Variants in NOBOX observed in about 807,000 individuals in gnomAD.
NOBOX encodes the protein NOBOX oogenesis homeobox.
NOBOX carries 46 observed loss-of-function variants against 60.2 expected under a neutral mutation model. That is an observed-to-expected ratio of 0.76 (90% CI 0.60 to 0.98). The LOEUF (loss-of-function observed/expected upper bound fraction) is 0.98. NOBOX is among the 50% of genes least tolerant of loss of function. NOBOX has a pLI of 0.00. For synonymous variants in NOBOX, 360 were observed against 346.3 expected (o/e 1.04, Z -0.44); for missense variants, 880 against 865.5 (o/e 1.02, Z -0.21).
At chr7:144,402,268 G>C (rs1329724952) in intron 2 of NOBOX, among the ~76,000 whole-genome samples, 1 of 148,260 alleles carries the variant, frequency 6.7e-6, no homozygotes, top group Non-Finnish European at 1.5e-5. Flanking sequence ...CCTCTCTTTC[G>C]AGTAAGGAAA....
chr7:144,406,806 A>T (rs1168941197), intron 1 of NOBOX, among the ~76,000 whole-genome samples: 2 of 152,140 alleles, frequency 1.3e-5, no homozygotes, highest in Non-Finnish European at 2.9e-5. Flanking sequence ...GAGGTTTGCT[A>T]TGGAAGTTAA....
At chr7:144,404,698 G>C in intron 1 of NOBOX, 2 of 1,612,044 alleles carry the variant, frequency 1.2e-6, no homozygotes, top group Non-Finnish European at 1.7e-6. Flanking sequence ...GGACGGTGTG[G>C]TTACTGTGTT....
chr7:144,402,792 C>A (rs1020817795), intron 2 of NOBOX, among the ~76,000 whole-genome samples: 1 of 137,138 alleles, frequency 7.3e-6, no homozygotes, highest in South Asian at 2.3e-4. Flanking sequence ...AGTCTCGCTC[C>A]GTCGCCCAGG....
intron 5 of NOBOX, 142 bp downstream of exon 3, chr7:144,400,064 A>G (rs1403121712): frequency 6.4e-7 from 1 of 1,572,178 alleles, no homozygotes; most frequent in South Asian, 1.1e-5. Flanking sequence ...CACTCTGGAA[A>G]CAGTCAGGGA....
chr7:144,407,093 T>C (rs2053990806), intron 1 of NOBOX, among the ~76,000 whole-genome samples: 1 of 152,042 alleles, frequency 6.6e-6, no homozygotes, highest in Non-Finnish European at 1.5e-5. Context: ...TCCAAAATCT[T>C]TTTTTCCCCT....
chr7:144,403,538 G>A (rs1208059315), intron 2 of NOBOX, 119 bp downstream of exon 1: 19 of 127,650 alleles, frequency 1.5e-4, no homozygotes, highest in Non-Finnish European at 2.3e-4. Context: ...GACTCCACCC[G>A]GCCCTCGGCC....
chr7:144,403,283 A>G (rs2128862387), intron 2 of NOBOX, among the ~76,000 whole-genome samples: 1 of 152,236 alleles, frequency 6.6e-6, no homozygotes, highest in Middle Eastern at 3.4e-3. Flanking sequence ...GTACTGTAGC[A>G]AAAAGCCTGG....
chr7:144,401,557 C>G lies in NOBOX; in HGVS notation c.333G>C (p.Gly111=). Residue 111 remains glycine (G), a synonymous_variant, in exon 4 of 10, where the codon GGG becomes GGC. Coordinates refer to ENST00000467773, the MANE Select transcript of NOBOX (RefSeq NM_001080413.3). This position sits in a 1 kb window ranked among gnomAD's most constrained non-coding sequence, Gnocchi z 4.2. ...CTGAGCCCCGGAGCAGTTCCTCCTC[C>G]CCGGGTCCTGCAGCCAGGGGCTTCT... The G allele has an allele frequency of 6.6e-7, 1 of 1,511,958 alleles. No homozygotes were observed. The highest frequency in any genetic ancestry group is 8.8e-7 in the Non-Finnish European group (1 of 1,136,212). The allele number at this position is 1,511,958 out of a possible 1,614,324, so 93.7% of individuals were successfully genotyped here. A position where few individuals can be genotyped will look rare whatever the true frequency, so the allele number is the denominator to read the frequency against.
rs375104160 is a variant in NOBOX, at chr7:144,401,276, T to C, written c.614A>G (p.Lys205Arg). ...ACCCATGGCATTAGGCTTTTTCTGCTTCCCGGGGGCTGGAGAATAGGACCT... is the reference window on the plus strand; with the variant it reads ...ACCCATGGCATTAGGCTTTTTCTGCCTCCCGGGGGCTGGAGAATAGGACCT... Residue 205 changes from lysine (K) to arginine (R), a missense_variant, in exon 4 of 10, where the codon AAG becomes AGG. Coordinates refer to ENST00000467773, the MANE Select transcript of NOBOX (RefSeq NM_001080413.3). This position sits in a 1 kb window ranked among gnomAD's most constrained non-coding sequence, Gnocchi z 4.2. The C allele has an allele frequency of 1.2e-5, 19 of 1,613,430 alleles. No individual in the cohort carries two copies. The African/African-American group carries it at 2.4e-4, about 20-fold the overall frequency.
In NOBOX at chr7:144,398,363, G is replaced by A. The variant is rs978183089; in HGVS notation, c.1693C>T (p.Pro565Ser). 64 of 1,537,130 alleles carry A rather than the reference G, an allele frequency of 4.2e-5. No individual in the cohort carries two copies. Among genetic ancestry groups the A allele is most frequent in the Non-Finnish European group, 5.1e-5 (59 of 1,146,910 alleles). Reference sequence around the variant, plus strand: ...TAGCCCTGCGATGTGCCCCCGCTGGGGCCACAGGGAAACATAAAGAGAGAG... The same window carrying A: ...TAGCCCTGCGATGTGCCCCCGCTGGAGCCACAGGGAAACATAAAGAGAGAG... The change falls in exon 9 of 10, where the codon CCC becomes TCC. Residue 565 changes from proline (P) to serine (S), a missense_variant. Coordinates refer to ENST00000467773, the MANE Select transcript of NOBOX (RefSeq NM_001080413.3).
chr7:144,405,418 G>T (rs539735781), intron 1 of NOBOX, among the ~76,000 whole-genome samples: 28 of 152,312 alleles, frequency 1.8e-4, no homozygotes, highest in African/African-American at 6.7e-4. Flanking sequence ...ATCATCAAAT[G>T]ATCATGTCAG....
chr7:144,397,543 T>A lies in NOBOX; in HGVS notation c.1775-2A>T. ...AGGGGTCACTCCAGGAGGCTGTACC[T>A]GTGGGGTCGGAGGGTGTAGGAATTA... On this transcript the variant is annotated splice_acceptor_variant, in intron 9 of 9. Coordinates refer to ENST00000467773, the MANE Select transcript of NOBOX (RefSeq NM_001080413.3). LOFTEE classifies it high-confidence loss of function. 1 of 1,517,506 alleles carries A rather than the reference T, an allele frequency of 6.6e-7. No homozygotes were observed. The highest frequency in any genetic ancestry group is 8.8e-7 in the Non-Finnish European group (1 of 1,134,828). 94.0% of individuals were successfully genotyped at this position (1,517,506 alleles called of 1,614,324 possible).
rs2053939594 is a variant in NOBOX at position 144,401,531 on chromosome 7, GC to G, written c.358del (p.Ala120ProfsTer54). ...ACTCTGAGTGTCCTGAGCATGAGGGGCTGAGCCCCGGAGCAGTTCCTCCTCC... is the reference window on the plus strand; with the variant it reads ...ACTCTGAGTGTCCTGAGCATGAGGGGTGAGCCCCGGAGCAGTTCCTCCTCC... On this transcript the variant is annotated frameshift_variant, in exon 4 of 10. Coordinates refer to ENST00000467773, the MANE Select transcript of NOBOX (RefSeq NM_001080413.3). LOFTEE classifies it high-confidence loss of function. The surrounding 1 kb of genome is among the most constrained non-coding windows in gnomAD (Gnocchi z 4.2). The G allele has an allele frequency of 6.6e-7, 1 of 1,518,244 alleles. No individual in the cohort carries two copies. The highest frequency in any genetic ancestry group is 8.8e-7 in the Non-Finnish European group (1 of 1,138,226). 94.0% of individuals were successfully genotyped at this position (1,518,244 alleles called of 1,614,324 possible).
At chr7:144,403,605 C>A in intron 2 of NOBOX, 52 bp downstream of exon 1, 1 of 684,784 alleles carries the variant, frequency 1.5e-6, no homozygotes, top group Non-Finnish European at 2.7e-6. Flanking sequence ...CTCCCCCCCT[C>A]CCCGAACCCC....
Position 144,398,340 on chromosome 7 carries a change from G to T in NOBOX, c.1716C>A (p.Gly572=), listed in dbSNP as rs2053908205. Residue 572 remains glycine, a synonymous_variant, in exon 9 of 10, where the codon GGC becomes GGA. Transcript: ENST00000467773. ...GTCCTGAGGAGGCACCTGGGCAATA[G>T]CCCTGCGATGTGCCCCCGCTGGGGC... 1 of 1,537,152 alleles carries T rather than the reference G, an allele frequency of 6.5e-7. No homozygotes were observed. The highest frequency in any genetic ancestry group is 1.4e-5 in the African/African-American group (1 of 73,036).
chr7:144,398,341 C>A lies in NOBOX; in HGVS notation c.1715G>T (p.Gly572Val). Residue 572 changes from glycine to valine, a missense_variant, in exon 9 of 10, where the codon GGC (glycine) becomes GTC (valine). By Grantham distance (109) the Gly-to-Val change is moderately radical. Coordinates refer to ENST00000467773, the MANE Select transcript of NOBOX (RefSeq NM_001080413.3). ...TCCTGAGGAGGCACCTGGGCAATAG[C>A]CCTGCGATGTGCCCCCGCTGGGGCC... 3.9e-6 allele frequency: 6 copies of A among 1,537,252 alleles called. No individual in the cohort carries two copies. Among genetic ancestry groups the A allele is most frequent in the Non-Finnish European group, 5.2e-6 (6 of 1,146,912 alleles).
In NOBOX at chr7:144,399,001, G is replaced by A; in HGVS notation, c.1418C>T (p.Ala473Val). The stretch of plus-strand genomic sequence containing the variant: ...GTCCTTGTGGCTGCTGTCACTGCCA[G>A]CAACATCCATCAGCAGTGGCATCAG... Residue 473 changes from alanine to valine, a missense_variant, in exon 8 of 10, where the codon GCT becomes GTT. Coordinates refer to ENST00000467773, the MANE Select transcript of NOBOX (RefSeq NM_001080413.3). 1.3e-6 allele frequency: 2 copies of A among 1,585,846 alleles called. No homozygotes were observed. Among genetic ancestry groups the A allele is most frequent in the Non-Finnish European group, 1.7e-6 (2 of 1,166,462 alleles).
At position 144,400,269 on chromosome 7, in the gene NOBOX, A is replaced by G; in HGVS notation, c.888T>C (p.Tyr296=). ...TCTCTCGGCGTTTATCACTGTCAGG[A>G]TAGTGGTCTTCTTGGAATATCTTCT... The change falls in exon 5 of 10, where the codon TAT becomes TAC. Residue 296 remains tyrosine, a synonymous_variant. Coordinates refer to ENST00000467773, the MANE Select transcript of NOBOX (RefSeq NM_001080413.3). 1 of 1,614,052 alleles carries G rather than the reference A, an allele frequency of 6.2e-7. No homozygotes were observed. Among genetic ancestry groups the G allele is most frequent in the Non-Finnish European group, 8.5e-7 (1 of 1,179,898 alleles).
chr7:144,407,148 T>A, intron 1 of NOBOX, among the ~76,000 whole-genome samples: 1 of 150,600 alleles, frequency 6.6e-6, no homozygotes, highest in Non-Finnish European at 1.5e-5. Flanking sequence ...TGTCTGATAC[T>A]AAAAAAAAAA....
Sources: gnomAD v4.1 joint callset for allele counts (sites outside exome capture counted in the v4.1 genomes callset) on GRCh38, gnomAD v4.1.1 for gene constraint, Gnocchi (gnomAD v3.1) non-coding constraint, MANE v1.5 for transcripts, NCBI Gene and HGNC (gene_info 2026-07-23, HGNC 2026-07-21) for gene names.